PRKN: variants seen among roughly 807,000 people sequenced by gnomAD.
The protein encoded by PRKN is E3 ubiquitin-protein ligase parkin.
PRKN carries 56 observed loss-of-function variants against 59.5 expected under a neutral mutation model. The ratio of observed to expected loss-of-function variants is 0.94; its 90% confidence interval spans 0.76 to 1.18. PRKN has a LOEUF of 1.18. Among genes scored for constraint, PRKN ranks in the 50% most tolerant of loss-of-function variants. PRKN has a pLI of 0.00. For missense variants in PRKN, 657 were observed against 596.4 expected, an observed-to-expected ratio of 1.10 and a Z score of -1.06; for synonymous variants, 250 against 222.1, an observed-to-expected ratio of 1.13 and a Z score of -1.12.
intron 7 of PRKN, among the ~76,000 whole-genome samples, chr6:161,742,384 G>A (rs1360682391): frequency 6.6e-6 from 1 of 152,194 alleles, no homozygotes; most frequent in Non-Finnish European, 1.5e-5. Flanking sequence ...CAGCCATGTG[G>A]AACGGTGAGT....
intron 3 of PRKN, among the ~76,000 whole-genome samples, chr6:162,202,582 C>A (rs1784776860): frequency 6.6e-6 from 1 of 152,146 alleles, no homozygotes; most frequent in Non-Finnish European, 1.5e-5. Flanking sequence ...TCTGACACTT[C>A]TGTGTAACTT....
intron 2 of PRKN, among the ~76,000 whole-genome samples, chr6:162,413,487 C>T (rs1311772298): frequency 6.6e-6 from 1 of 152,126 alleles, no homozygotes; most frequent in African/African-American, 2.4e-5. Context: ...AATTAGATAG[C>T]AAGGTATTAC....
chr6:162,190,848 G>A (rs1164374492), intron 4 of PRKN, among the ~76,000 whole-genome samples: 3 of 152,088 alleles, frequency 2.0e-5, no homozygotes, highest in Admixed American at 2.0e-4. Context: ...TGAGCCATTC[G>A]CTTCTTAAGC....
intron 5 of PRKN, among the ~76,000 whole-genome samples, chr6:161,991,723 A>T (rs1254114395): frequency 6.6e-6 from 1 of 151,972 alleles, no homozygotes; most frequent in Non-Finnish European, 1.5e-5. Context: ...GGTACCTGTG[A>T]TCCCAGCTAC....
At position 162,055,497 on chromosome 6, in the gene PRKN, A is replaced by T. The variant is rs898358595; in HGVS notation, c.535-1323T>A. On this transcript the variant is annotated intron_variant, in intron 4 of 11. Coordinates refer to ENST00000366898, the MANE Select transcript of PRKN (RefSeq NM_004562.3). Reference sequence around the variant, plus strand: ...ATGCCTGAGGAAAGCCCCAGGTGGCAGCCTGGACCTCCTCACCGTGGGTGG... The same window carrying T: ...ATGCCTGAGGAAAGCCCCAGGTGGCTGCCTGGACCTCCTCACCGTGGGTGG... 2.0e-5 allele frequency among the ~76,000 whole-genome samples: 3 copies of T among 152,148 alleles called. No homozygotes were observed. In the South Asian group the frequency reaches 6.2e-4, roughly 32 times the overall value.
At position 161,349,187 on chromosome 6, in the gene PRKN, C is replaced by T. The variant is rs1313843978; in HGVS notation, c.*912G>A. The T allele has an allele frequency of 3.6e-5, 8 of 220,252 alleles. No homozygotes were observed. Among genetic ancestry groups the T allele is most frequent in the Admixed American group, 1.2e-4 (2 of 17,334 alleles). The allele number at this position is 220,252 out of a possible 1,614,324, so 13.6% of individuals were successfully genotyped here. On this transcript the variant is annotated 3_prime_UTR_variant, in exon 12 of 12. Coordinates refer to ENST00000366898, the MANE Select transcript of PRKN (RefSeq NM_004562.3). The surrounding 1 kb of genome is among the most constrained non-coding windows in gnomAD (Gnocchi z 5.5). ...ATATCATTTTGAAATCATTTCTAAA[C>T]GTGTTTCCTTTATAGGCACTTTATC...
intron 9 of PRKN, among the ~76,000 whole-genome samples, chr6:161,505,002 T>C (rs1344971955): frequency 2.7e-5 from 4 of 150,518 alleles, no homozygotes; most frequent in Non-Finnish European, 5.9e-5. Flanking sequence ...CATGTGTCTT[T>C]ATAGCAGCAT....
chr6:162,222,249 CAAAGAT>C (rs892118778), intron 3 of PRKN, among the ~76,000 whole-genome samples: 9 of 151,928 alleles, frequency 5.9e-5, no homozygotes, highest in Admixed American at 3.9e-4. Context: ...TATTAAATAC[CAAAGAT>C]AAAGGATTTT....
At chr6:161,519,910 A>C (rs1778757380) in intron 9 of PRKN, among the ~76,000 whole-genome samples, 1 of 152,184 alleles carries the variant, frequency 6.6e-6, no homozygotes, top group Non-Finnish European at 1.5e-5. Context: ...CACCTCAAAG[A>C]AGCAGGGTTT....
At chr6:162,026,986 T>G (rs1783460033) in intron 5 of PRKN, among the ~76,000 whole-genome samples, 1 of 152,150 alleles carries the variant, frequency 6.6e-6, no homozygotes, top group Admixed American at 6.5e-5. Flanking sequence ...TAGAAACCAC[T>G]TTGAATTCCT....
At position 162,229,192 on chromosome 6, in the gene PRKN, C is replaced by A; in HGVS notation, c.413-27940G>T. Among the ~76,000 whole-genome samples, 2 of 152,164 alleles carry A rather than the reference C, an allele frequency of 1.3e-5. 1 individual carries two copies. The highest frequency in any genetic ancestry group is 2.9e-5 in the Non-Finnish European group (2 of 68,036). On this transcript the variant is annotated intron_variant, in intron 3 of 11. Transcript: ENST00000366898. Reference sequence around the variant, plus strand: ...TAAATTACTATGCCCAAATTAGAATCCCTGATTGTTCTTCAACAAAACCTG... The same window carrying A: ...TAAATTACTATGCCCAAATTAGAATACCTGATTGTTCTTCAACAAAACCTG...
chr6:162,310,502 C>A (rs1282974439), intron 2 of PRKN, among the ~76,000 whole-genome samples: 1 of 152,054 alleles, frequency 6.6e-6, no homozygotes, highest in Non-Finnish European at 1.5e-5. Flanking sequence ...AACAGCCCTG[C>A]CGACACCTTG....
intron 4 of PRKN, among the ~76,000 whole-genome samples, chr6:162,074,906 G>A (rs1315646160): frequency 6.6e-6 from 1 of 152,198 alleles, no homozygotes; most frequent in Non-Finnish European, 1.5e-5. Context: ...GTACATCACA[G>A]GGATAGCAGA....
chr6:162,103,000 G>A (rs1238476476), intron 4 of PRKN, among the ~76,000 whole-genome samples: 8 of 145,004 alleles, frequency 5.5e-5, no homozygotes, highest in South Asian at 2.1e-4. Context: ...CAGAGATCGC[G>A]CCACTGCACT....
chr6:162,041,696 A>G (rs993138061), intron 5 of PRKN, among the ~76,000 whole-genome samples: 6 of 152,214 alleles, frequency 3.9e-5, no homozygotes, highest in African/African-American at 1.4e-4. Context: ...AGTTCTCAGT[A>G]TATCATTGCA....
At chr6:161,705,602 T>C (rs1287472042) in intron 7 of PRKN, among the ~76,000 whole-genome samples, 1 of 152,174 alleles carries the variant, frequency 6.6e-6, no homozygotes, top group Non-Finnish European at 1.5e-5. Context: ...TGATATATAA[T>C]AATTCTCTGT....
At chr6:161,753,095 G>A (rs1269385445) in intron 7 of PRKN, among the ~76,000 whole-genome samples, 1 of 152,188 alleles carries the variant, frequency 6.6e-6, no homozygotes, top group Non-Finnish European at 1.5e-5. Flanking sequence ...AGTTTTCAAG[G>A]AGTCAGTTTA....
chr6:161,697,288 G>C (rs895243400), intron 7 of PRKN, among the ~76,000 whole-genome samples: 4 of 152,188 alleles, frequency 2.6e-5, no homozygotes, highest in Admixed American at 6.5e-5. Context: ...ACTTTTAGGA[G>C]AGAAGGAAAG....
intron 9 of PRKN, among the ~76,000 whole-genome samples, chr6:161,507,512 C>T (rs73782917): frequency 6.6e-6 from 1 of 151,988 alleles, no homozygotes; most frequent in Non-Finnish European, 1.5e-5. Context: ...AATCTACAAT[C>T]TCTTTTGCTA....
Sources: allele counts gnomAD v4.1 joint callset (sites outside exome capture counted in the v4.1 genomes callset), GRCh38; gene constraint gnomAD v4.1.1; non-coding constraint Gnocchi (gnomAD v3.1); transcripts MANE v1.5; gene names NCBI Gene and HGNC (gene_info 2026-07-23, HGNC 2026-07-21).